CEP295: variants seen among roughly 807,000 people sequenced by gnomAD.
CEP295 encodes the protein centrosomal protein 295.
In CEP295, 190 loss-of-function variants were observed where a neutral mutation model predicts 291.6. The ratio of observed to expected loss-of-function variants is 0.65; its 90% CI spans 0.58 to 0.73. The LOEUF is 0.73. Among genes scored for constraint, CEP295 ranks in the 30% least tolerant of loss-of-function variants. The pLI, the probability that CEP295 is intolerant of heterozygous loss-of-function variation, is 0.00. For synonymous variants in CEP295, 993 were observed against 1,038.8 expected (o/e 0.96, Z 0.85); for missense variants, 2,863 against 2,949.4 (o/e 0.97, Z 0.68).
intron 12 of CEP295, among the ~76,000 whole-genome samples, chr11:93,695,194 GTTC>G (rs1486101974): frequency 6.6e-6 from 1 of 152,226 alleles, no homozygotes; most frequent in African/African-American, 2.4e-5. Flanking sequence ...CTTCAAGGTA[GTTC>G]TTCAGTGGTG....
intron 18 of CEP295, 144 bp from the exon 19 acceptor site, chr11:93,721,168 C>G: frequency 1.7e-6 from 1 of 602,688 alleles, no homozygotes; most frequent in Middle Eastern, 4.4e-4. Context: ...TTTCTTTGAT[C>G]TAAGACAAGA....
intron 18 of CEP295, among the ~76,000 whole-genome samples, chr11:93,709,995 C>T (rs1044024047): frequency 6.6e-6 from 1 of 152,116 alleles, no homozygotes; most frequent in Non-Finnish European, 1.5e-5. Context: ...ATTTTGTATC[C>T]TGCAACCGTA....
chr11:93,722,329 G>A (rs1407533363), intron 20 of CEP295, among the ~76,000 whole-genome samples: 3 of 152,176 alleles, frequency 2.0e-5, no homozygotes, highest in African/African-American at 7.2e-5. Context: ...AGGTGTGGTG[G>A]TAAGTGCCTG....
chr11:93,662,069 C>T (rs1800223110), intron 1 of CEP295, among the ~76,000 whole-genome samples: 1 of 152,210 alleles, frequency 6.6e-6, no homozygotes, highest in African/African-American at 2.4e-5. Context: ...CGCGGAGCTT[C>T]CGTGTCGGGG....
intron 1 of CEP295, among the ~76,000 whole-genome samples, chr11:93,663,069 CTG>C (rs911218854): frequency 4.3e-4 from 66 of 152,334 alleles, no homozygotes; most frequent in African/African-American, 1.5e-3. Context: ...GACTGAGAAA[CTG>C]TCCCAGATTA....
rs1950750265 is a variant in CEP295, at chr11:93,677,455, G to C, written c.624+1789G>C. 2.0e-5 allele frequency among the ~76,000 whole-genome samples: 3 copies of C among 152,048 alleles called. 1 individual carries two copies. The South Asian group carries it at 6.2e-4, about 32-fold the overall frequency. On this transcript the variant is annotated intron_variant, in intron 6 of 29. Transcript: ENST00000325212. Reference sequence around the variant, plus strand: ...ATAATATATATCTTTGGCTGAAGAAGATTTATGAAAGTGGCCTGCTGTAGT... The same window carrying C: ...ATAATATATATCTTTGGCTGAAGAACATTTATGAAAGTGGCCTGCTGTAGT...
intron 18 of CEP295, among the ~76,000 whole-genome samples, chr11:93,708,384 A>G (rs531246732): frequency 2.6e-5 from 4 of 152,282 alleles, no homozygotes; most frequent in Admixed American, 6.5e-5. Context: ...AGTTCCCACA[A>G]ATAAGTGAGA....
Position 93,699,948 on chromosome 11 carries a change from C to A in CEP295, c.5036C>A (p.Ala1679Glu). Residue 1679 changes from alanine (A) to glutamate (E), a missense_variant, in exon 15 of 30, where the codon GCA (alanine) becomes GAA (glutamate). Ala to Glu is a moderately radical substitution (Grantham distance 107). This residue lies in a region of CEP295 where 2,295 missense variants were observed against 2,335.7 expected (regional missense o/e 0.98). Transcript: ENST00000325212. ...TTGTATTCATCCCAGAATGAACATG[C>A]AGCCCCCCCAAGTAATCCTGTGATC... ...CELYSSQNEH[A>E]APPSNPVIPG... The A allele has an allele frequency of 6.4e-7, 1 of 1,551,720 alleles. No individual in the cohort carries two copies.
intron 9 of CEP295, among the ~76,000 whole-genome samples, chr11:93,686,952 C>T (rs912117783): frequency 6.6e-6 from 1 of 152,106 alleles, no homozygotes; most frequent in South Asian, 2.1e-4. Flanking sequence ...AATTTTATTC[C>T]TTGACTAAGC....
chr11:93,719,974 A>C (rs1405527299), intron 18 of CEP295, among the ~76,000 whole-genome samples: 1 of 152,122 alleles, frequency 6.6e-6, no homozygotes, highest in Non-Finnish European at 1.5e-5. Flanking sequence ...CACAAAGTAT[A>C]ATTTTAATGT....
rs79196912 is a variant in CEP295, at chr11:93,715,140, C to T, written c.5750-6172C>T. Among the ~76,000 whole-genome samples the T allele has an allele frequency of 7.0e-3, 1,066 of 152,244 alleles. 14 individuals carry two copies. The highest frequency in any genetic ancestry group is 0.025 in the African/African-American group (1,022 of 41,528). On this transcript the variant is annotated intron_variant, in intron 18 of 29. Coordinates refer to ENST00000325212, the MANE Select transcript of CEP295 (RefSeq NM_033395.2). ...TTGTCCAGGAGTCAGTGCCTGGAAT[C>T]GGGATCTTTAGAACTCTACTGGGTA... is the stretch of plus-strand genomic sequence containing the variant.
intron 8 of CEP295, 74 bp from the exon 9 acceptor site, chr11:93,683,890 C>G: frequency 2.0e-6 from 3 of 1,486,704 alleles, no homozygotes; most frequent in South Asian, 2.6e-5. Flanking sequence ...ATTACCGTGG[C>G]CTTTGCATTT....
In CEP295 at chr11:93,691,929, A is replaced by G. The variant is rs968797246; in HGVS notation, c.1432A>G (p.Ile478Val). The G allele has an allele frequency of 3.9e-6, 6 of 1,532,606 alleles. No individual in the cohort carries two copies. Among genetic ancestry groups the G allele is most frequent in the South Asian group, 1.2e-5 (1 of 81,104 alleles). 94.9% of individuals were successfully genotyped at this position (1,532,606 alleles called of 1,614,324 possible). A position where few individuals can be genotyped will look rare whatever the true frequency, so the allele number is the denominator to read the frequency against. Residue 478 changes from isoleucine to valine, a missense_variant and splice_region_variant, in exon 12 of 30, where the codon ATA becomes GTA. Coordinates refer to ENST00000325212, the MANE Select transcript of CEP295 (RefSeq NM_033395.2). ...TTTTGTTTGGGGCATTCCCCTAGAA[A>G]TAAATGAGACTCTGCCTATCACAAC... ...CGTNSGKEQE[I>V]NETLPITTVA... is the part of the protein sequence containing the mutation.
chr11:93,706,706 G>T, intron 17 of CEP295, 39 bp from the exon 18 acceptor site: 1 of 1,481,232 alleles, frequency 6.8e-7, no homozygotes, highest in Non-Finnish European at 9.0e-7. Flanking sequence ...GCTATTAATA[G>T]TTCCAGAAAT....
intron 10 of CEP295, among the ~76,000 whole-genome samples, chr11:93,690,338 C>T (rs561655450): frequency 2.0e-5 from 3 of 152,218 alleles, no homozygotes; most frequent in South Asian, 2.1e-4. Context: ...AGGCAGATCA[C>T]GAGGTCAGGA....
intron 17 of CEP295, among the ~76,000 whole-genome samples, chr11:93,705,228 C>G (rs1337040790): frequency 6.6e-6 from 1 of 151,806 alleles, no homozygotes; most frequent in Non-Finnish European, 1.5e-5. Context: ...TGTTTTTTCC[C>G]CCAGAGGGAT....
intron 18 of CEP295, chr11:93,719,605 C>G (rs181951432): frequency 7.9e-5 from 12 of 152,068 alleles, no homozygotes; most frequent in African/African-American, 2.7e-4. Context: ...AATAATTCTC[C>G]TGGTCCGAAT....
Position 93,687,773 on chromosome 11 carries a change from C to T in CEP295, c.1244C>T (p.Thr415Met), listed in dbSNP as rs990243869. 9 of 1,551,000 alleles carry T rather than the reference C, an allele frequency of 5.8e-6. No individual in the cohort carries two copies. The highest frequency in any genetic ancestry group is 4.9e-5 in the East Asian group (2 of 40,898). ...SMSEDESEMITTVSEIESKAP... is the reference protein window; with the variant it reads ...SMSEDESEMIMTVSEIESKAP... ...TCTGAGGATGAAAGTGAAATGATTA[C>T]GACTGTTAGTGAAATTGAGAGTAAA... Residue 415 changes from threonine to methionine, a missense_variant, in exon 10 of 30, where the codon ACG becomes ATG. By Grantham distance (81) the Thr-to-Met change is moderately conservative (BLOSUM62 -1). Around this residue, in one of 3 missense-constraint regions of CEP295, gnomAD observed 554 missense variants for 576.0 expected, o/e 0.96. Coordinates refer to ENST00000325212, the MANE Select transcript of CEP295 (RefSeq NM_033395.2).
rs751456683 is a variant in CEP295, at chr11:93,697,137, A to G, written c.2225A>G (p.Gln742Arg). The change falls in exon 15 of 30, where the codon CAG (glutamine) becomes CGG (arginine). Residue 742 changes from glutamine (Q) to arginine (R), a missense_variant. Gln to Arg is a conservative substitution (Grantham distance 43, BLOSUM62 1). Transcript: ENST00000325212. ...TLSRALSHDR[Q>R]LISQDARKIS... ...TCAAGGGCTTTGTCACATGACAGGC[A>G]GCTAATATCACAGGATGCTAGAAAA... 104 of 1,551,812 alleles carry G rather than the reference A, an allele frequency of 6.7e-5. No homozygotes were observed. Among genetic ancestry groups the G allele is most frequent in the Non-Finnish European group, 9.0e-5 (103 of 1,147,062 alleles).
Sources: allele counts gnomAD v4.1 joint callset (sites outside exome capture counted in the v4.1 genomes callset), GRCh38; gene constraint gnomAD v4.1.1; regional missense constraint gnomAD v4.1.1; transcripts MANE v1.5; gene names NCBI Gene and HGNC (gene_info 2026-07-23, HGNC 2026-07-21).